Variants in GALNT13 observed in about 807,000 individuals in gnomAD.
GALNT13 encodes UDP-GalNAc:polypeptide N-acetylgalactosaminyltransferase 13.
GALNT13 carries 28 observed loss-of-function variants against 64.2 expected under a neutral mutation model. The ratio of observed to expected loss-of-function variants is 0.44; its 90% confidence interval spans 0.32 to 0.60. The LOEUF (loss-of-function observed/expected upper bound fraction) is 0.60. Among genes scored for constraint, GALNT13 ranks in the 20% least tolerant of loss-of-function variants. The pLI, the probability that GALNT13 is intolerant of heterozygous loss-of-function variation, is 0.05. For synonymous variants in GALNT13, 214 were observed against 224.6 expected (o/e 0.95, Z 0.42); for missense variants, 577 against 669.8 (o/e 0.86, Z 1.53).
the GALNT13 span, among the ~76,000 whole-genome samples, chr2:153,856,218 A>G: frequency 2.7e-5 from 4 of 150,888 alleles, 1 homozygote; most frequent in Non-Finnish European, 5.9e-5. Flanking sequence ...GTGAGTTGTA[A>G]GTGTTATAAA....
the GALNT13 span, among the ~76,000 whole-genome samples, chr2:153,555,436 C>T: frequency 9.6e-6 from 1 of 104,654 alleles, no homozygotes; most frequent in Non-Finnish European, 2.0e-5. Flanking sequence ...CCTCGTGATC[C>T]GCCCGCCTCG....
Position 153,909,118 on chromosome 2 carries a change from C to A in GALNT13, c.-105+8111C>A, listed in dbSNP as rs537780242. Among the ~76,000 whole-genome samples, 5 of 152,148 alleles carry A rather than the reference C, an allele frequency of 3.3e-5. No individual in the cohort carries two copies. In the South Asian group the frequency reaches 6.2e-4, roughly 19 times the overall value. On this transcript the variant is annotated intron_variant, in intron 2 of 12. Transcript: ENST00000392825. The stretch of plus-strand genomic sequence containing the variant: ...GATTCTCATTGTAGAGATCTTTCAC[C>A]TCCCTGGTTAACTATATTCCTAGGT...
intron 3 of GALNT13, among the ~76,000 whole-genome samples, chr2:154,109,692 T>C (rs913683230): frequency 4.6e-5 from 7 of 152,232 alleles, no homozygotes; most frequent in Non-Finnish European, 8.8e-5. Flanking sequence ...TGAAAGTTTG[T>C]TGAATTTTGT....
chr2:153,708,892 A>G, the GALNT13 span, among the ~76,000 whole-genome samples: 2 of 152,158 alleles, frequency 1.3e-5, no homozygotes, highest in East Asian at 3.9e-4. Context: ...GGAAAGGACA[A>G]TCTCTTCAAT....
chr2:154,032,832 G>C (rs1255897561), intron 3 of GALNT13, among the ~76,000 whole-genome samples: 1 of 142,542 alleles, frequency 7.0e-6, no homozygotes, highest in African/African-American at 2.6e-5. Flanking sequence ...TTTCCACTAA[G>C]ATCAGAAACA....
At chr2:153,182,074 C>T in the GALNT13 span, among the ~76,000 whole-genome samples, 4 of 150,772 alleles carry the variant, frequency 2.7e-5, no homozygotes, top group Non-Finnish European at 4.4e-5. Context: ...GGCGGGGTCT[C>T]GCTCTGTCGC....
chr2:153,466,802 C>A, the GALNT13 span, among the ~76,000 whole-genome samples: 1 of 151,982 alleles, frequency 6.6e-6, no homozygotes, highest in Non-Finnish European at 1.5e-5. Flanking sequence ...TAAAATCAGA[C>A]CAATACTCAG....
chr2:153,737,015 G>C, the GALNT13 span, among the ~76,000 whole-genome samples: 1 of 152,280 alleles, frequency 6.6e-6, no homozygotes, highest in African/African-American at 2.4e-5. Context: ...AGCCCACTTG[G>C]GATCCAATAT....
the GALNT13 span, among the ~76,000 whole-genome samples, chr2:153,346,961 T>C: frequency 2.6e-5 from 4 of 152,218 alleles, no homozygotes; most frequent in African/African-American, 9.7e-5. Flanking sequence ...TGGGACCACG[T>C]GCAAGATAAA....
chr2:153,438,518 T>C, the GALNT13 span, among the ~76,000 whole-genome samples: 2 of 152,288 alleles, frequency 1.3e-5, no homozygotes, highest in East Asian at 3.9e-4. Flanking sequence ...GGAGGCTTTG[T>C]TCATTTCTTT....
At chr2:153,132,951 G>A in the GALNT13 span, among the ~76,000 whole-genome samples, 2 of 151,936 alleles carry the variant, frequency 1.3e-5, no homozygotes, top group East Asian at 3.9e-4. Flanking sequence ...TTGAACTCCT[G>A]GATTCAAGGG....
chr2:153,876,411 G>T (rs1419815958), intron 1 of GALNT13, among the ~76,000 whole-genome samples: 5 of 152,116 alleles, frequency 3.3e-5, no homozygotes, highest in Admixed American at 1.3e-4. Context: ...ACCTGTGTTT[G>T]AAAAGTCTGG....
At chr2:153,948,130 G>A (rs1016811725) in intron 3 of GALNT13, among the ~76,000 whole-genome samples, 2 of 151,810 alleles carry the variant, frequency 1.3e-5, no homozygotes, top group South Asian at 2.1e-4. Context: ...CTCTAGCTTT[G>A]TTCTTTTTGC....
At chr2:153,806,718 G>T in the GALNT13 span, among the ~76,000 whole-genome samples, 1 of 150,246 alleles carries the variant, frequency 6.7e-6, no homozygotes, top group Non-Finnish European at 1.5e-5. Context: ...AACATACAAA[G>T]CTTTACCATG....
At chr2:153,246,562 AAGG>A in the GALNT13 span, among the ~76,000 whole-genome samples, 1 of 152,216 alleles carries the variant, frequency 6.6e-6, no homozygotes, top group African/African-American at 2.4e-5. Flanking sequence ...TTCATAAGTG[AAGG>A]AGAAGTAAAA....
chr2:153,140,544 C>T, the GALNT13 span, among the ~76,000 whole-genome samples: 12,790 of 152,066 alleles, frequency 0.084, 632 homozygotes, highest in Non-Finnish European at 0.11. Flanking sequence ...AATCTTTAAT[C>T]TTATGGCTTG....
intron 3 of GALNT13, among the ~76,000 whole-genome samples, chr2:154,088,301 A>G (rs1354861550): frequency 1.3e-5 from 2 of 152,158 alleles, no homozygotes; most frequent in Non-Finnish European, 2.9e-5. Flanking sequence ...AACTAGATTC[A>G]GACGCTATTT....
the GALNT13 span, among the ~76,000 whole-genome samples, chr2:153,818,472 T>TC: frequency 6.6e-6 from 1 of 152,092 alleles, no homozygotes; most frequent in Non-Finnish European, 1.5e-5. Flanking sequence ...GGCCCTGTGC[T>TC]CCCCCAGGAA....
intron 3 of GALNT13, among the ~76,000 whole-genome samples, chr2:154,118,788 A>G (rs1558968299): frequency 6.6e-6 from 1 of 151,952 alleles, no homozygotes; most frequent in Non-Finnish European, 1.5e-5. Context: ...ATTGCATTCT[A>G]TTTCAGTCTG....
Sources: gnomAD v4.1 joint callset for allele counts (sites outside exome capture counted in the v4.1 genomes callset) on GRCh38, gnomAD v4.1.1 for gene constraint, MANE v1.5 for transcripts, NCBI Gene and HGNC (gene_info 2026-07-23, HGNC 2026-07-21) for gene names.